Variants in RECQL4 observed in about 807,000 individuals in gnomAD.
The protein encoded by RECQL4 is ATP-dependent DNA helicase Q4.
Under a neutral mutation model 128.6 loss-of-function variants are expected in RECQL4, and 158 were observed. The ratio of observed to expected loss-of-function variants is 1.23; its 90% CI spans 1.08 to 1.40. The LOEUF (loss-of-function observed/expected upper bound fraction) is 1.40. Ranked by LOEUF, RECQL4 falls within the 40% of genes most tolerant of loss-of-function variation. The pLI is 0.00. For missense variants in RECQL4, 2,293 were observed against 1,649.8 expected (o/e 1.39, Z -6.75); for synonymous variants, 996 against 678.9 (o/e 1.47, Z -7.26).
In RECQL4 at chr8:144,516,091, G is replaced by C. The variant is rs549381989; in HGVS notation, c.1028C>G (p.Pro343Arg). 1 of 1,612,720 alleles carries C rather than the reference G, an allele frequency of 6.2e-7. No homozygotes were observed. The highest frequency in any genetic ancestry group is 1.1e-5 in the South Asian group (1 of 91,092). ...AEGTAPLHIF[P>R]RLARHDRGNY... Reference sequence around the variant, plus strand: ...GCCCCTGTCATGGCGGGCCAGCCGAGGGAAGATGTGCAGGGGGGCTGTGCC... The same window carrying C: ...GCCCCTGTCATGGCGGGCCAGCCGACGGAAGATGTGCAGGGGGGCTGTGCC... The change falls in exon 5 of 21, where the codon CCT becomes CGT. Residue 343 changes from proline (P) to arginine (R), a missense_variant. By Grantham distance (103) the Pro-to-Arg change is moderately radical (BLOSUM62 -2). Transcript: ENST00000617875.
rs372780200 is a variant in RECQL4 at position 144,511,575 on chromosome 8, C to T, written c.3503-20G>A. The T allele has an allele frequency of 7.8e-4, 1,250 of 1,609,734 alleles. 4 individuals are homozygous for T. The African/African-American group carries it at 0.013, about 17-fold the overall frequency. On this transcript the variant is annotated intron_variant, in intron 20 of 20. Transcript: ENST00000617875. ...GGCTTCCTACGGTGGAGCCAAGACACAGCCGTGAGCCCCAGCCCCAGCCTG... is the reference window on the plus strand; with the variant it reads ...GGCTTCCTACGGTGGAGCCAAGACATAGCCGTGAGCCCCAGCCCCAGCCTG...
chr8:144,516,988 G>A (rs1007156618), intron 4 of RECQL4, 62 bp downstream of exon 4: 31 of 1,556,518 alleles, frequency 2.0e-5, no homozygotes, highest in Middle Eastern at 1.7e-4. Context: ...ATGACAAGAG[G>A]GCGACCCGGA....
In RECQL4 at chr8:144,512,202, G is replaced by A. The variant is rs1827367005; in HGVS notation, c.3178C>T (p.Gln1060Ter). The change falls in exon 18 of 21, where the codon CAG becomes TAG. Residue 1060 changes from glutamine (Q) to a stop codon, truncating the protein, a stop_gained. Coordinates refer to ENST00000617875, the MANE Select transcript of RECQL4 (RefSeq NM_004260.4). LOFTEE classifies it high-confidence loss of function. ...QICDFLYGRV[Q>*]ARERQALARL... ...GCCAGGGCCTGGCGCTCCCGGGCCT[G>A]CACACGGCCATAGAGGAAGTCACAT... The A allele has an allele frequency of 3.1e-6, 5 of 1,612,032 alleles. No homozygotes were observed. The highest frequency in any genetic ancestry group is 4.2e-6 in the Non-Finnish European group (5 of 1,179,640).
chr8:144,513,496 G>A lies in RECQL4; in HGVS notation c.2201-16C>T. 1 of 1,610,270 alleles carries A rather than the reference G, an allele frequency of 6.2e-7. No homozygotes were observed. Among genetic ancestry groups the A allele is most frequent in the Non-Finnish European group, 8.5e-7 (1 of 1,179,768 alleles). On this transcript the variant is annotated splice_polypyrimidine_tract_variant and intron_variant, in intron 13 of 20. Coordinates refer to ENST00000617875, the MANE Select transcript of RECQL4 (RefSeq NM_004260.4). ...GGGGCACGACCTTTGGGGAAGACAG[G>A]CAGATGGTCAGTGGGATGGGACCAT...
chr8:144,514,721 G>A (rs768831006), intron 9 of RECQL4, among the ~76,000 whole-genome samples, 196 bp from the exon 10 acceptor site: 2 of 152,228 alleles, frequency 1.3e-5, no homozygotes, highest in African/African-American at 4.8e-5. Context: ...CTGAAGTAGG[G>A]ATGGCTCCTT....
At position 144,514,024 on chromosome 8, in the gene RECQL4, C is replaced by T. The variant is rs2130691479; in HGVS notation, c.1962G>A (p.Gln654=). The T allele has an allele frequency of 1.3e-6, 2 of 1,573,324 alleles. No individual in the cohort carries two copies. The highest frequency in any genetic ancestry group is 1.7e-6 in the Non-Finnish European group (2 of 1,160,378). The change falls in exon 12 of 21, where the codon CAG becomes CAA. Residue 654 remains glutamine, a synonymous_variant. Transcript: ENST00000617875. ...ATRRTASDVA[Q]HLAVAEEPDL... ...CAGGCTCTTCAGCCACAGCCAGGTG[C>T]TGTGCCACGTCACTGGCAGTGCGGC...
rs1242395636 is a variant in RECQL4, at chr8:144,516,214, G to T, written c.905C>A (p.Pro302His). The change falls in exon 5 of 21, where the codon CCT becomes CAT. Residue 302 changes from proline (P) to histidine (H), a missense_variant. Physicochemically the swap from Pro to His is moderately conservative, Grantham distance 77 (BLOSUM62 -2). Coordinates refer to ENST00000617875, the MANE Select transcript of RECQL4 (RefSeq NM_004260.4). ...GGGCTGAGGTGGCTGTGCCTGTACAGGTTCCCCTGGAGGGTCTTCCTCAAC... is the reference window on the plus strand; with the variant it reads ...GGGCTGAGGTGGCTGTGCCTGTACATGTTCCCCTGGAGGGTCTTCCTCAAC... ...VAVEEDPPGE[P>H]VQAQPPQPCS... The T allele has an allele frequency of 6.2e-7, 1 of 1,613,246 alleles. No homozygotes were observed. Among genetic ancestry groups the T allele is most frequent in the East Asian group, 2.2e-5 (1 of 44,882 alleles).
At position 144,517,559 on chromosome 8, in the gene RECQL4, G is replaced by C. The variant is rs778063966; in HGVS notation, c.118+43C>G. ...TCAGGGTGGGGCCTGGGCCCCTGCC[G>C]ACCCGGTGTCTTCTCGCCCCCGCCG... On this transcript the variant is annotated intron_variant, in intron 2 of 20. Transcript: ENST00000617875. 16 of 1,508,788 alleles carry C rather than the reference G, an allele frequency of 1.1e-5. No individual in the cohort carries two copies. In the African/African-American group the frequency reaches 1.2e-4, roughly 11 times the overall value. 93.5% of individuals were successfully genotyped at this position (1,508,788 alleles called of 1,614,324 possible). A position where few individuals can be genotyped will look rare whatever the true frequency, so the allele number is the denominator to read the frequency against.
Position 144,517,791 on chromosome 8 carries a change from C to T in RECQL4, c.-7G>A, listed in dbSNP as rs1815456149. On this transcript the variant is annotated 5_prime_UTR_variant, in exon 1 of 21. Transcript: ENST00000617875. Reference sequence around the variant, plus strand: ...CGTCCCGCAGCCGCTCCATGGCGCGCGCGCCCGCCCGGCCTCCGCGCTTGC... The same window carrying T: ...CGTCCCGCAGCCGCTCCATGGCGCGTGCGCCCGCCCGGCCTCCGCGCTTGC... 24 of 1,219,164 alleles carry T rather than the reference C, an allele frequency of 2.0e-5. No individual in the cohort carries two copies. The highest frequency in any genetic ancestry group is 2.4e-5 in the Non-Finnish European group (23 of 975,196). The allele number at this position is 1,219,164 out of a possible 1,614,324, so 75.5% of individuals were successfully genotyped here. A position where few individuals can be genotyped will look rare whatever the true frequency, so the allele number is the denominator to read the frequency against.
At chr8:144,517,280 C>T in intron 3 of RECQL4, 90 bp from the exon 4 acceptor site, 3 of 1,509,998 alleles carry the variant, frequency 2.0e-6, no homozygotes, top group Non-Finnish European at 2.7e-6. Flanking sequence ...GGAGCGAGGC[C>T]CGGCCCTTCT....
chr8:144,517,225 GCT>G, intron 3 of RECQL4, 35 bp from the exon 4 acceptor site: 1 of 1,563,100 alleles, frequency 6.4e-7, no homozygotes, highest in Non-Finnish European at 8.6e-7. Flanking sequence ...GCCAGAAAAG[GCT>G]GTTGTGGCGG....
intron 3 of RECQL4, 80 bp from the exon 4 acceptor site, chr8:144,517,270 G>C: frequency 6.6e-7 from 1 of 1,517,408 alleles, no homozygotes. Flanking sequence ...TCCCGCACCT[G>C]GAGCGAGGCC....
At position 144,516,317 on chromosome 8, in the gene RECQL4, G is replaced by A. The variant is rs561010978; in HGVS notation, c.802C>T (p.Pro268Ser). The A allele has an allele frequency of 3.2e-5, 52 of 1,609,820 alleles. No individual in the cohort carries two copies. The highest frequency in any genetic ancestry group is 4.1e-5 in the Non-Finnish European group (48 of 1,179,158). The change falls in exon 5 of 21, where the codon CCC (proline) becomes TCC (serine). Residue 268 changes from proline to serine, a missense_variant. By Grantham distance (74) the Pro-to-Ser change is moderately conservative. Coordinates refer to ENST00000617875, the MANE Select transcript of RECQL4 (RefSeq NM_004260.4). ...TGGACCTGTGCGGGGCTCTCCCAGG[G>A]CTCCTCGTTCCATCTCCGCTTCTCG... The part of the protein sequence containing the change: ...GGEKRRWNEE[P>S]WESPAQVQQE...
chr8:144,515,317 A>C lies in RECQL4; in HGVS notation c.1390+9T>G, dbSNP rs1314895802. ...AGTGAAGGCTCTGGGCCAGAAGCTG[A>C]CTGCTCACCTGCCAACTGCCCTGAG... On this transcript the variant is annotated intron_variant, in intron 7 of 20. Coordinates refer to ENST00000617875, the MANE Select transcript of RECQL4 (RefSeq NM_004260.4). The C allele has an allele frequency of 1.2e-6, 2 of 1,612,116 alleles. No individual in the cohort carries two copies.
rs1261990868 is a variant in RECQL4 at position 144,512,040 on chromosome 8, G to A, written c.3264C>T (p.Cys1088=). Residue 1088 remains cysteine (C), a synonymous_variant, in exon 19 of 21, where the codon TGC becomes TGT. Coordinates refer to ENST00000617875, the MANE Select transcript of RECQL4 (RefSeq NM_004260.4). The part of the protein sequence containing the change: ...HSVAFPSCGP[C]LEQQDEERST... The stretch of plus-strand genomic sequence containing the variant: ...TGCGCTCCTCATCCTGCTGCTCCAG[G>A]CAGGGCCCGCAGCTGGGGAAGGCTA... 1.9e-6 allele frequency: 3 copies of A among 1,608,100 alleles called. No individual in the cohort carries two copies. The highest frequency in any genetic ancestry group is 4.5e-5 in the East Asian group (2 of 44,802).
chr8:144,512,499 C>T lies in RECQL4; in HGVS notation c.2948G>A (p.Ser983Asn), dbSNP rs1586795561. 3 of 1,612,552 alleles carry T rather than the reference C, an allele frequency of 1.9e-6. No individual in the cohort carries two copies. Among genetic ancestry groups the T allele is most frequent in the Non-Finnish European group, 2.5e-6 (3 of 1,179,822 alleles). The change falls in exon 17 of 21, where the codon AGC (serine) becomes AAC (asparagine). Residue 983 changes from serine to asparagine, a missense_variant. Ser to Asn is a conservative substitution (Grantham distance 46). Coordinates refer to ENST00000617875, the MANE Select transcript of RECQL4 (RefSeq NM_004260.4). ...QLPEDPGQGS[S>N]SVEFDMVKLV... ...CTTGACCATGTCAAACTCCACGGAG[C>T]TGCTGCCTTGCCCTGGGTCCTCAGG...
At chr8:144,512,793 G>A (rs776685542) in intron 15 of RECQL4, 22 bp from the exon 16 acceptor site, 2 of 1,610,836 alleles carry the variant, frequency 1.2e-6, no homozygotes, top group East Asian at 2.2e-5. Flanking sequence ...GCAGGGCTCA[G>A]CGGACGCGGG....
In RECQL4 at chr8:144,515,429, C is replaced by A. The variant is rs1327623229; in HGVS notation, c.1287G>T (p.Gly429=). Residue 429 remains glycine (G), a synonymous_variant, in exon 7 of 21, where the codon GGG becomes GGT. Transcript: ENST00000617875. ...GTGGTGAAGGAACCAGTGGCTCAGG[C>A]CCAACAGCATCTGTGTCTTCCTCAC... ...PASEEDTDAV[G]PEPLVPSPQP... The A allele has an allele frequency of 6.2e-7, 1 of 1,612,680 alleles. No individual in the cohort carries two copies. Among genetic ancestry groups the A allele is most frequent in the African/African-American group, 1.3e-5 (1 of 74,932 alleles).
At position 144,516,135 on chromosome 8, in the gene RECQL4, A is replaced by G; in HGVS notation, c.984T>C (p.Ala328=). 1 of 1,613,138 alleles carries G rather than the reference A, an allele frequency of 6.2e-7. No homozygotes were observed. The highest frequency in any genetic ancestry group is 8.5e-7 in the Non-Finnish European group (1 of 1,179,858). ...CTGTGCCCTCAGCCTTCCCAGCCCT[A>G]GCTTGACTGGAGGGGCTGAGTCCGT... ...RYHGLSPSSQ[A]RAGKAEGTAP... The change falls in exon 5 of 21, where the codon GCT becomes GCC. Residue 328 remains alanine, a synonymous_variant. Transcript: ENST00000617875.
Sources: allele counts gnomAD v4.1 joint callset (sites outside exome capture counted in the v4.1 genomes callset), GRCh38; gene constraint gnomAD v4.1.1; transcripts MANE v1.5; gene names NCBI Gene and HGNC (gene_info 2026-07-23, HGNC 2026-07-21).